NCMAP: variants seen among roughly 807,000 people sequenced by gnomAD.
NCMAP encodes non-compact myelin associated protein.
Under a neutral mutation model 7.8 loss-of-function variants are expected in NCMAP, and 8 were observed. The ratio of observed to expected loss-of-function variants is 1.02; its 90% CI spans 0.60 to 1.84. The LOEUF (loss-of-function observed/expected upper bound fraction) is 1.84, where lower values mean the gene tolerates loss of function less well. Ranked by LOEUF, NCMAP falls within the 40% of genes most tolerant of loss-of-function variation. NCMAP has a pLI of 0.00. For synonymous variants in NCMAP, 41 were observed against 52.9 expected (o/e 0.78, Z 0.98); for missense variants, 112 against 131.4 (o/e 0.85, Z 0.72).
chr1:24,603,812 C>A (rs979349865), intron 3 of NCMAP, among the ~76,000 whole-genome samples: 2 of 152,172 alleles, frequency 1.3e-5, no homozygotes, highest in Admixed American at 6.5e-5. Flanking sequence ...AGAAAAAAAG[C>A]AGATGTGGCA....
At position 24,605,668 on chromosome 1, in the gene NCMAP, T is replaced by C. The variant is rs1407826760; in HGVS notation, c.230T>C (p.Val77Ala). ...KGPKPTAPSA[V>A]GPNSNGSQHP... ...CCCAAGCCAACCGCCCCTTCTGCCG[T>C]GGGCCCAAACAGCAACGGCAGCCAA... Residue 77 changes from valine (V) to alanine (A), a missense_variant, in exon 4 of 4, where the codon GTG (valine) becomes GCG (alanine). Physicochemically the swap from Val to Ala is moderately conservative, Grantham distance 64. Transcript: ENST00000374392. The C allele has an allele frequency of 6.2e-7, 1 of 1,613,976 alleles. No homozygotes were observed. The highest frequency in any genetic ancestry group is 1.3e-5 in the African/African-American group (1 of 74,902).
At chr1:24,557,836 G>A (rs3892054) in intron 1 of NCMAP, among the ~76,000 whole-genome samples, 68,713 of 152,052 alleles carry the variant, frequency 0.45, 16,589 homozygotes, top group African/African-American at 0.6. Context: ...GCCGCGGCGC[G>A]TGCGGTGAGC....
intron 2 of NCMAP, among the ~76,000 whole-genome samples, chr1:24,598,452 C>G (rs929062123): frequency 6.6e-6 from 1 of 151,956 alleles, no homozygotes; most frequent in Admixed American, 6.6e-5. Flanking sequence ...ATTAGTTCTG[C>G]TTGGTTTTGA....
intron 1 of NCMAP, among the ~76,000 whole-genome samples, chr1:24,583,085 T>C (rs1044562104): frequency 1.3e-5 from 2 of 152,154 alleles, no homozygotes; most frequent in Admixed American, 6.5e-5. Flanking sequence ...CTAGTTCTTC[T>C]TGGATAGGGA....
chr1:24,597,549 A>G (rs993371594), intron 2 of NCMAP, among the ~76,000 whole-genome samples: 6 of 33,414 alleles, frequency 1.8e-4, no homozygotes, highest in African/African-American at 4.2e-4. Flanking sequence ...GGGGAGGGGG[A>G]GGAGAAGGGG....
At chr1:24,585,677 G>A (rs1349049185) in intron 1 of NCMAP, among the ~76,000 whole-genome samples, 2 of 152,108 alleles carry the variant, frequency 1.3e-5, no homozygotes, top group African/African-American at 4.8e-5. Context: ...CTGGTCTTCC[G>A]AGTCTCAGGT....
chr1:24,598,789 C>T (rs1476476523), intron 2 of NCMAP, among the ~76,000 whole-genome samples: 3 of 151,618 alleles, frequency 2.0e-5, no homozygotes. Flanking sequence ...AGGCTTGTAC[C>T]ACCAGGCCCA....
chr1:24,567,323 A>G (rs1251813367), intron 1 of NCMAP, among the ~76,000 whole-genome samples: 1 of 152,182 alleles, frequency 6.6e-6, no homozygotes, highest in Non-Finnish European at 1.5e-5. Flanking sequence ...CTTTCAGGTG[A>G]TAAGTGCTAT....
chr1:24,577,401 G>GTTTTTTTTT (rs71577720), intron 1 of NCMAP, among the ~76,000 whole-genome samples: 33 of 39,918 alleles, frequency 8.3e-4, no homozygotes, highest in South Asian at 1.3e-3. Context: ...CACTGGCCTT[G>GTTTTTTTTT]TTTTTTTTTT....
At chr1:24,571,912 A>G (rs1425484911) in intron 1 of NCMAP, among the ~76,000 whole-genome samples, 1 of 150,974 alleles carries the variant, frequency 6.6e-6, no homozygotes, top group African/African-American at 2.5e-5. Flanking sequence ...GAGATGTTTT[A>G]CATTCTTTTA....
intron 1 of NCMAP, among the ~76,000 whole-genome samples, chr1:24,572,205 G>A (rs1394747581): frequency 1.3e-5 from 2 of 150,666 alleles, no homozygotes; most frequent in African/African-American, 5.0e-5. Context: ...TGGATTTTAA[G>A]GGGAGAGGGC....
At chr1:24,558,566 G>C (rs901097333) in intron 1 of NCMAP, among the ~76,000 whole-genome samples, 2 of 152,142 alleles carry the variant, frequency 1.3e-5, no homozygotes, top group African/African-American at 2.4e-5. Flanking sequence ...TGACACATGA[G>C]GGGAGGCCTC....
At chr1:24,605,585 G>A (rs1652695017) in intron 3 of NCMAP, 21 bp from the exon 4 acceptor site, 1 of 1,613,314 alleles carries the variant, frequency 6.2e-7, no homozygotes, top group East Asian at 2.2e-5. Context: ...ACTCAACCAT[G>A]TGCACATTAT....
chr1:24,589,290 C>A (rs9727931), intron 1 of NCMAP, among the ~76,000 whole-genome samples: 2 of 151,740 alleles, frequency 1.3e-5, no homozygotes, highest in East Asian at 3.9e-4. Flanking sequence ...GTCTTAGGGA[C>A]GTTTGATACT....
At chr1:24,596,017 C>A (rs971119667) in intron 2 of NCMAP, among the ~76,000 whole-genome samples, 1 of 152,036 alleles carries the variant, frequency 6.6e-6, no homozygotes, top group East Asian at 1.9e-4. Flanking sequence ...TGTGGTGGCT[C>A]ACACCTTTAA....
intron 1 of NCMAP, among the ~76,000 whole-genome samples, chr1:24,578,099 C>A (rs1042810014): frequency 6.6e-6 from 1 of 151,920 alleles, no homozygotes; most frequent in African/African-American, 2.4e-5. Flanking sequence ...CCTGTTTGTA[C>A]TAAAAATACA....
intron 1 of NCMAP, among the ~76,000 whole-genome samples, chr1:24,571,569 GA>G (rs1484625590): frequency 6.7e-6 from 1 of 150,346 alleles, no homozygotes; most frequent in Non-Finnish European, 1.5e-5. Flanking sequence ...GTAGTCAATA[GA>G]AAAAAACTTC....
intron 1 of NCMAP, among the ~76,000 whole-genome samples, chr1:24,572,775 C>T (rs1651427929): frequency 6.6e-6 from 1 of 150,796 alleles, no homozygotes. Context: ...TTCCGCACGT[C>T]CTAAAAGTCT....
rs1553157377 is a variant in NCMAP, at chr1:24,597,555, A to AGGGAAGGGGAGGAAAAG, written c.82+2046_82+2047insAAGGGGAGGAAAAGGGG. Among the ~76,000 whole-genome samples, 132 of 21,296 alleles carry AGGGAAGGGGAGGAAAAG rather than the reference A, an allele frequency of 6.2e-3. 2 individuals carry two copies. Among genetic ancestry groups the AGGGAAGGGGAGGAAAAG allele is most frequent in the African/African-American group, 6.9e-3 (31 of 4,484 alleles). The allele number at this position is 21,296 out of a possible 152,430, so 14.0% of individuals were successfully genotyped here. A position where few individuals can be genotyped will look rare whatever the true frequency, so the allele number is the denominator to read the frequency against. ...GAGGGGGAGGGGGAGGGGGAGGAGA[A>AGGGAAGGGGAGGAAAAG]GGGGGGGAGGTTCTCCTGTAAAAAC... On this transcript the variant is annotated intron_variant, in intron 2 of 3. Transcript: ENST00000374392.
Sources: gnomAD v4.1 joint callset for allele counts (sites outside exome capture counted in the v4.1 genomes callset) on GRCh38, gnomAD v4.1.1 for gene constraint, MANE v1.5 for transcripts, NCBI Gene and HGNC (gene_info 2026-07-23, HGNC 2026-07-21) for gene names.